Variants in ABL1 observed in about 807,000 individuals in gnomAD.
ABL1 encodes ABL proto-oncogene 1, non-receptor tyrosine kinase, also known as tyrosine-protein kinase ABL1.
ABL1 carries 11 observed loss-of-function variants against 94.7 expected under a neutral mutation model. That is an observed-to-expected ratio of 0.12 (90% CI 0.07 to 0.19). The LOEUF (loss-of-function observed/expected upper bound fraction) is 0.19, where lower values mean the gene tolerates loss of function less well. Among genes scored for constraint, ABL1 ranks in the 10% least tolerant of loss-of-function variants. ABL1 has a pLI of 1.00. For missense variants in ABL1, 1,082 were observed against 1,489.4 expected, an observed-to-expected ratio of 0.73 and a Z score of 4.50; for synonymous variants, 656 against 622.4, an observed-to-expected ratio of 1.05 and a Z score of -0.80.
Position 130,884,817 on chromosome 9 carries a change from G to A in ABL1, c.2527G>A (p.Gly843Arg), listed in dbSNP as rs11793737. 1.2e-6 allele frequency: 2 copies of A among 1,606,390 alleles called. No individual in the cohort carries two copies. Among genetic ancestry groups the A allele is most frequent in the African/African-American group, 1.3e-5 (1 of 74,750 alleles). ...AGAAGCTGGAAAGGGCAGTGCCTTA[G>A]GGACCCCTGCTGCAGCTGAGCCAGT... is the stretch of plus-strand genomic sequence containing the variant. ...KEEAGKGSAL[G>R]TPAAAEPVTP... Residue 843 changes from glycine (G) to arginine (R), a missense_variant, in exon 11 of 11, where the codon GGG becomes AGG. Physicochemically the swap from Gly to Arg is moderately radical, Grantham distance 125. Around this residue, in one of 7 missense-constraint regions of ABL1, gnomAD observed 780 missense variants for 835.8 expected, o/e 0.93. Coordinates refer to ENST00000318560, the MANE Select transcript of ABL1 (RefSeq NM_005157.6). This position sits in a 1 kb window ranked among gnomAD's most constrained non-coding sequence, Gnocchi z 5.6.
chr9:130,868,218 A>G (rs998854265), intron 4 of ABL1, among the ~76,000 whole-genome samples: 1 of 152,104 alleles, frequency 6.6e-6, no homozygotes, highest in South Asian at 2.1e-4. Context: ...TCGGCCTCCC[A>G]AAGTGCTGGG....
chr9:130,863,923 GA>G lies in ABL1; in HGVS notation c.822+893del, dbSNP rs1357245859. On this transcript the variant is annotated intron_variant, in intron 4 of 10. Coordinates refer to ENST00000318560, the MANE Select transcript of ABL1 (RefSeq NM_005157.6). This position sits in a 1 kb window ranked among gnomAD's most constrained non-coding sequence, Gnocchi z 4.3. ...AAAGAACTGAAACATCCACCTCTGG[GA>G]AAAATAGAGTTTAGTTTGTGCATGT... Among the ~76,000 whole-genome samples, 2 of 152,146 alleles carry G rather than the reference GA, an allele frequency of 1.3e-5. No individual in the cohort carries two copies. Among genetic ancestry groups the G allele is most frequent in the Admixed American group, 6.6e-5 (1 of 15,266 alleles).
intron 1 of ABL1, among the ~76,000 whole-genome samples, chr9:130,776,373 A>T (rs962061122): frequency 2.0e-5 from 3 of 152,226 alleles, no homozygotes; most frequent in African/African-American, 7.2e-5. Flanking sequence ...AGGCAGGCAG[A>T]TCACCTGACG....
Position 130,768,594 on chromosome 9 carries a change from C to T in ABL1, c.136+54139C>T, listed in dbSNP as rs76655740. Among the ~76,000 whole-genome samples the T allele has an allele frequency of 3.3e-3, 508 of 152,286 alleles. 9 individuals are homozygous for T. The highest frequency in any genetic ancestry group is 0.026 in the East Asian group (133 of 5,180). On this transcript the variant is annotated intron_variant, in intron 1 of 10. Coordinates refer to the ABL1 transcript ENST00000372348. ...GCTTGTTAGAGCCAGTGAAGAAGAA[C>T]GGTAGTAAGTTACCTGATGGCCAAG...
intron 1 of ABL1, among the ~76,000 whole-genome samples, chr9:130,779,946 T>G (rs1829734220): frequency 1.3e-5 from 2 of 152,196 alleles, no homozygotes; most frequent in African/African-American, 4.8e-5. Flanking sequence ...GCACCATGGA[T>G]GCCTTTTATA....
At chr9:130,756,087 G>T (rs1454007131) in intron 1 of ABL1, among the ~76,000 whole-genome samples, 2 of 152,168 alleles carry the variant, frequency 1.3e-5, no homozygotes, top group Non-Finnish European at 2.9e-5. Flanking sequence ...ATGTCTGTGA[G>T]AAAAGGGGCA....
At chr9:130,856,901 A>G (rs751397673) in intron 3 of ABL1, among the ~76,000 whole-genome samples, 2 of 152,184 alleles carry the variant, frequency 1.3e-5, no homozygotes, top group Non-Finnish European at 2.9e-5. Context: ...GTTGTTTCCA[A>G]TCTTTAGTTA....
intron 1 of ABL1, among the ~76,000 whole-genome samples, chr9:130,788,593 A>T: frequency 6.6e-6 from 1 of 152,154 alleles, no homozygotes; most frequent in East Asian, 1.9e-4. Flanking sequence ...TGGGTGTAGG[A>T]TCCAGTCCTG....
intron 4 of ABL1, among the ~76,000 whole-genome samples, chr9:130,865,593 C>CAA (rs973636332): frequency 4.6e-5 from 7 of 151,878 alleles, no homozygotes; most frequent in East Asian, 1.9e-4. Flanking sequence ...CAAAAAATAC[C>CAA]AAAAATCAGC....
intron 1 of ABL1, among the ~76,000 whole-genome samples, chr9:130,725,253 CACT>C (rs890071775): frequency 6.6e-6 from 1 of 152,162 alleles, no homozygotes; most frequent in Admixed American, 6.5e-5. Context: ...CCTCTTTCCC[CACT>C]TCTTGGTAAC....
chr9:130,786,256 G>T lies in ABL1; in HGVS notation c.137-67808G>T, dbSNP rs796949074. 3.3e-5 allele frequency among the ~76,000 whole-genome samples: 5 copies of T among 152,300 alleles called. No individual in the cohort carries two copies. In the South Asian group the frequency reaches 1.0e-3, roughly 32 times the overall value. Reference sequence around the variant, plus strand: ...CTGGGGCAGAGGGCCGTCCCTCGTTGTCTGGTTCCTAGCTCTGGGTGATTT... The same window carrying T: ...CTGGGGCAGAGGGCCGTCCCTCGTTTTCTGGTTCCTAGCTCTGGGTGATTT... On this transcript the variant is annotated intron_variant, in intron 1 of 10. Coordinates refer to the ABL1 transcript ENST00000372348.
At chr9:130,836,519 T>A (rs1003259341) in intron 1 of ABL1, among the ~76,000 whole-genome samples, 2 of 152,272 alleles carry the variant, frequency 1.3e-5, no homozygotes, top group East Asian at 3.9e-4. Flanking sequence ...TGTTTTCAAC[T>A]AAGAATATAA....
At chr9:130,827,119 C>T (rs1416626503) in intron 1 of ABL1, among the ~76,000 whole-genome samples, 1 of 152,140 alleles carries the variant, frequency 6.6e-6, no homozygotes, top group Non-Finnish European at 1.5e-5. Context: ...AGGCTCTGCA[C>T]TCAGGAGCCT....
At chr9:130,813,529 C>CCAACCTGG (rs1293515810) in intron 1 of ABL1, among the ~76,000 whole-genome samples, 1 of 140,162 alleles carries the variant, frequency 7.1e-6, no homozygotes, top group Non-Finnish European at 1.5e-5. Flanking sequence ...TCACTGCACT[C>CCAACCTGG]CAGCCTGGCT....
At chr9:130,727,750 C>CA (rs1831605545) in intron 1 of ABL1, among the ~76,000 whole-genome samples, 1 of 106,698 alleles carries the variant, frequency 9.4e-6, no homozygotes, top group African/African-American at 4.5e-5. Flanking sequence ...AGTGAGACAC[C>CA]GCCCCCCCCC....
At chr9:130,789,747 T>G (rs1174282049) in intron 1 of ABL1, among the ~76,000 whole-genome samples, 1 of 152,206 alleles carries the variant, frequency 6.6e-6, no homozygotes, top group African/African-American at 2.4e-5. Flanking sequence ...TCAAATATAA[T>G]GTTCAGAAGT....
chr9:130,856,897 T>C (rs1181106405), intron 3 of ABL1, among the ~76,000 whole-genome samples: 3 of 152,208 alleles, frequency 2.0e-5, no homozygotes, highest in Non-Finnish European at 4.4e-5. Context: ...TTAGGTTGTT[T>C]CCAATCTTTA....
intron 1 of ABL1, among the ~76,000 whole-genome samples, chr9:130,759,723 C>G (rs1008422086): frequency 3.9e-5 from 6 of 152,130 alleles, no homozygotes; most frequent in Non-Finnish European, 7.4e-5. Context: ...GAGACCATGT[C>G]TCAGTGGTGG....
At chr9:130,781,495 T>C (rs1829755608) in intron 1 of ABL1, among the ~76,000 whole-genome samples, 1 of 152,202 alleles carries the variant, frequency 6.6e-6, no homozygotes. Flanking sequence ...TGGAGAAGAA[T>C]TGCCAGAGAA....
Sources: allele counts gnomAD v4.1 joint callset (sites outside exome capture counted in the v4.1 genomes callset), GRCh38; gene constraint gnomAD v4.1.1; regional missense constraint gnomAD v4.1.1; non-coding constraint Gnocchi (gnomAD v3.1); transcripts MANE v1.5; gene names NCBI Gene and HGNC (gene_info 2026-07-23, HGNC 2026-07-21).